The following TKTL1 variants were observed in gnomAD, a reference collection of about 807,000 sequenced individuals.
TKTL1 encodes transketolase-like protein 1.
Under a neutral mutation model 39.3 loss-of-function variants are expected in TKTL1, and 1 was observed. The observed-to-expected ratio is 0.03, with a 90% CI of 0.01 to 0.12. The LOEUF is 0.12. Ranked by LOEUF, TKTL1 falls within the 10% of genes least tolerant of loss-of-function variation. The pLI is 1.00. For missense variants in TKTL1, 575 were observed against 509.6 expected, an observed-to-expected ratio of 1.13 and a Z score of -1.24; for synonymous variants, 262 against 193.8, an observed-to-expected ratio of 1.35 and a Z score of -2.92.
At chrX:154,306,660 G>T (rs1402349810) in intron 2 of TKTL1, among the ~76,000 whole-genome samples, 1 of 110,016 alleles carries the variant, frequency 9.1e-6, no homozygotes, top group African/African-American at 3.3e-5. Flanking sequence ...TTTTGGGGAG[G>T]TAGAGTCTCG....
chrX:154,322,515 A>T (rs1383960610), intron 8 of TKTL1, among the ~76,000 whole-genome samples: 1 of 111,334 alleles, frequency 9.0e-6, no homozygotes, highest in Non-Finnish European at 1.9e-5. Flanking sequence ...TGGGCAACAG[A>T]GCGAGACTCT....
Position 154,327,359 on chromosome X carries a change from A to AC in TKTL1, c.1402-231dup, listed in dbSNP as rs112426796. 2,108 of 544,179 alleles carry AC rather than the reference A, an allele frequency of 3.9e-3. 29 individuals are homozygous for AC. The African/African-American group carries it at 0.04, about 10-fold the overall frequency. The allele number at this position is 544,179 out of a possible 1,213,427, so 44.8% of individuals were successfully genotyped here. A position where few individuals can be genotyped will look rare whatever the true frequency, so the allele number is the denominator to read the frequency against. The stretch of plus-strand genomic sequence containing the variant: ...ATGCCATAGTGAGCTCTCAAACCAG[A>AC]CTCCTGATGGGTATGTGGCGTATCC... On this transcript the variant is annotated intron_variant, in intron 10 of 12. Transcript: ENST00000369915.
At chrX:154,316,099 C>T (rs1038206931) in intron 7 of TKTL1, among the ~76,000 whole-genome samples, 8 of 111,728 alleles carry the variant, frequency 7.2e-5, no homozygotes, top group Admixed American at 3.8e-4. Flanking sequence ...TTTTTTTAGA[C>T]GAAGTCTCGC....
intron 9 of TKTL1, among the ~76,000 whole-genome samples, chrX:154,323,826 G>A (rs1193578210): frequency 2.7e-5 from 3 of 112,585 alleles, no homozygotes; most frequent in Non-Finnish European, 1.9e-5. Context: ...GAACAGCTTA[G>A]GGCGCCAAGA....
At chrX:154,302,837 C>T (rs2067284221) in intron 1 of TKTL1, among the ~76,000 whole-genome samples, 1 of 111,311 alleles carries the variant, frequency 9.0e-6, no homozygotes, top group Non-Finnish European at 1.9e-5. Flanking sequence ...CGTGGAGAAA[C>T]GCAGGAGAAA....
rs1482902289 is a variant in TKTL1 at position 154,329,510 on chromosome X, C to T, written c.1619-6C>T. ...ACAAAAGGGCCTAACATCCTTGTTT[C>T]CCCAGGTGGCATCGGGGAAGCTGTC... On this transcript the variant is annotated splice_polypyrimidine_tract_variant and splice_region_variant and intron_variant, in intron 12 of 12. Coordinates refer to ENST00000369915, the MANE Select transcript of TKTL1 (RefSeq NM_012253.4). The T allele has an allele frequency of 8.3e-7, 1 of 1,210,351 alleles. No individual in the cohort carries two copies. Among genetic ancestry groups the T allele is most frequent in the Admixed American group, 2.2e-5 (1 of 46,024 alleles).
chrX:154,321,488 A>G (rs2067450242), intron 8 of TKTL1, among the ~76,000 whole-genome samples: 1 of 22,164 alleles, frequency 4.5e-5, no homozygotes, highest in South Asian at 3.2e-3. Flanking sequence ...AAGGTGTGCA[A>G]GGTGGTGGGG....
chrX:154,315,766 A>G (rs1255788196), intron 7 of TKTL1, among the ~76,000 whole-genome samples: 6 of 112,352 alleles, frequency 5.3e-5, no homozygotes, highest in African/African-American at 1.9e-4. Context: ...AATATAGCAC[A>G]GAAATGCAAA....
At chrX:154,323,377 T>G (rs781925475) in intron 9 of TKTL1, 40 bp downstream of exon 9, 2 of 1,195,419 alleles carry the variant, frequency 1.7e-6, no homozygotes, top group African/African-American at 3.5e-5. Flanking sequence ...AGAAAATGCT[T>G]CTGGACTCTG....
Position 154,327,931 on chromosome X carries a change from A to G in TKTL1, c.1591A>G (p.Ile531Val), listed in dbSNP as rs146749788. 125 of 1,210,217 alleles carry G rather than the reference A, an allele frequency of 1.0e-4. No individual in the cohort carries two copies. The highest frequency in any genetic ancestry group is 1.3e-4 in the Non-Finnish European group (119 of 895,245). Reference protein sequence around the residue: ...SSAKATEGRIITVEDHYPQGG... With the variant: ...SSAKATEGRIVTVEDHYPQGG... ...TGCAAAAGCCACAGAGGGCCGGATC[A>G]TTACAGTGGAGGATCACTACCCGCA... The change falls in exon 12 of 13, where the codon ATT becomes GTT. Residue 531 changes from isoleucine to valine, a missense_variant. Coordinates refer to ENST00000369915, the MANE Select transcript of TKTL1 (RefSeq NM_012253.4).
chrX:154,326,713 T>C (rs893926057), intron 10 of TKTL1, among the ~76,000 whole-genome samples: 1 of 112,876 alleles, frequency 8.9e-6, no homozygotes, highest in Non-Finnish European at 1.9e-5. Context: ...TTGCAGAGCT[T>C]GCTTATTTCT....
chrX:154,300,714 T>C (rs1488253402), intron 1 of TKTL1, among the ~76,000 whole-genome samples: 1 of 111,345 alleles, frequency 9.0e-6, no homozygotes, highest in East Asian at 2.8e-4. Flanking sequence ...TTTGTTTGCT[T>C]GTTTTTGATG....
chrX:154,309,593 C>G (rs782601415), intron 3 of TKTL1, 151 bp downstream of exon 3: 2 of 494,141 alleles, frequency 4.0e-6, no homozygotes, highest in African/African-American at 2.4e-5. Flanking sequence ...GAAGGCCTTC[C>G]CTGTGCCTTT....
intron 12 of TKTL1, 138 bp downstream of exon 12, chrX:154,328,096 G>A (rs782505286): frequency 9.7e-5 from 80 of 823,241 alleles, no homozygotes; most frequent in Non-Finnish European, 3.2e-5. Context: ...TTCACTAAGC[G>A]TGGGGCCATA....
At position 154,329,378 on chromosome X, in the gene TKTL1, C is replaced by T. The variant is rs2067519304; in HGVS notation, c.1619-138C>T. ...AACTGGCAGTTTAGAATGAGAACTC[C>T]GCAGGCCCATCGGAGTGGCTGTTCA... On this transcript the variant is annotated intron_variant, in intron 12 of 12. Transcript: ENST00000369915. 2.8e-5 allele frequency: 17 copies of T among 612,297 alleles called. 1 individual carries two copies. In the South Asian group the frequency reaches 4.7e-4, roughly 17 times the overall value. The allele number at this position is 612,297 out of a possible 1,213,427, so 50.5% of individuals were successfully genotyped here. A position where few individuals can be genotyped will look rare whatever the true frequency, so the allele number is the denominator to read the frequency against.
chrX:154,300,179 C>T (rs187090924), intron 1 of TKTL1, among the ~76,000 whole-genome samples: 76 of 111,247 alleles, frequency 6.8e-4, no homozygotes, highest in African/African-American at 2.3e-3. Context: ...CCACTGCCAG[C>T]TAATTTTTGT....
At chrX:154,308,665 A>T (rs1391281214) in intron 2 of TKTL1, among the ~76,000 whole-genome samples, 1 of 110,689 alleles carries the variant, frequency 9.0e-6, no homozygotes, top group Non-Finnish European at 1.9e-5. Context: ...CTCTCCAGTC[A>T]GTGCAGCAGC....
At chrX:154,307,151 C>T (rs1459105882) in intron 2 of TKTL1, among the ~76,000 whole-genome samples, 1 of 109,508 alleles carries the variant, frequency 9.1e-6, no homozygotes, top group Non-Finnish European at 1.9e-5. Context: ...TGCGTGCCTG[C>T]AGCTACTCAG....
intron 9 of TKTL1, among the ~76,000 whole-genome samples, chrX:154,324,549 A>G (rs1377576758): frequency 1.8e-5 from 2 of 112,142 alleles, no homozygotes; most frequent in Non-Finnish European, 3.8e-5. Flanking sequence ...AGATTAGGTG[A>G]TAGAAATTAG....
Sources: gnomAD v4.1 joint callset for allele counts (sites outside exome capture counted in the v4.1 genomes callset) on GRCh38, gnomAD v4.1.1 for gene constraint, MANE v1.5 for transcripts, NCBI Gene and HGNC (gene_info 2026-07-23, HGNC 2026-07-21) for gene names.